The following OPN5 variants were observed in gnomAD, a reference collection of about 807,000 sequenced individuals.
The protein encoded by OPN5 is opsin-5.
In OPN5, 18 loss-of-function variants were observed where a neutral mutation model predicts 41.7. The ratio of observed to expected loss-of-function variants is 0.43; its 90% CI spans 0.30 to 0.64. The LOEUF is 0.64. Among genes scored for constraint, OPN5 ranks in the 30% least tolerant of loss-of-function variants. The pLI is 0.13. For synonymous variants in OPN5, 178 were observed against 164.3 expected, an observed-to-expected ratio of 1.08 and a Z score of -0.64; for missense variants, 318 against 434.5, an observed-to-expected ratio of 0.73 and a Z score of 2.38.
At chr6:47,820,670 G>A (rs1205977024) in intron 6 of OPN5, among the ~76,000 whole-genome samples, 1 of 152,086 alleles carries the variant, frequency 6.6e-6, no homozygotes, top group Non-Finnish European at 1.5e-5. Context: ...TCCAATAGAC[G>A]TTATTTATTG....
chr6:47,783,201 C>T (rs1216978483), intron 1 of OPN5, among the ~76,000 whole-genome samples: 1 of 152,004 alleles, frequency 6.6e-6, no homozygotes, highest in Non-Finnish European at 1.5e-5. Flanking sequence ...ATTTAACCAC[C>T]TATTTAAATT....
chr6:47,793,193 CA>C (rs1773440974), intron 3 of OPN5, among the ~76,000 whole-genome samples: 3 of 151,922 alleles, frequency 2.0e-5, no homozygotes, highest in African/African-American at 7.3e-5. Context: ...GATAAGAAGG[CA>C]AAAAAGTTAA....
chr6:47,805,616 C>A (rs950068115), intron 4 of OPN5, among the ~76,000 whole-genome samples: 1 of 152,052 alleles, frequency 6.6e-6, no homozygotes, highest in African/African-American at 2.4e-5. Flanking sequence ...GTCAAGTAGA[C>A]CGAAGGCTGT....
intron 2 of OPN5, chr6:47,786,961 C>T: frequency 1.8e-6 from 1 of 560,546 alleles, no homozygotes; most frequent in Non-Finnish European, 2.3e-6. Flanking sequence ...GGAGGCAAAT[C>T]CCAGGTCAGT....
intron 4 of OPN5, among the ~76,000 whole-genome samples, chr6:47,799,375 T>C (rs1257785378): frequency 3.9e-5 from 6 of 152,170 alleles, no homozygotes; most frequent in Non-Finnish European, 8.8e-5. Context: ...AAATCAGTAA[T>C]TTCTCTCTTC....
chr6:47,816,185 G>T (rs1762423363), intron 6 of OPN5, among the ~76,000 whole-genome samples: 1 of 152,168 alleles, frequency 6.6e-6, no homozygotes, highest in African/African-American at 2.4e-5. Context: ...TGTCCTCAAT[G>T]TTTGGAAGAT....
chr6:47,822,785 T>A (rs1394821103), intron 6 of OPN5, among the ~76,000 whole-genome samples: 1 of 152,226 alleles, frequency 6.6e-6, no homozygotes, highest in African/African-American at 2.4e-5. Flanking sequence ...CATTACAGGT[T>A]TTTTTATACC....
At chr6:47,812,099 G>T (rs1012971610) in intron 6 of OPN5, among the ~76,000 whole-genome samples, 5 of 152,096 alleles carry the variant, frequency 3.3e-5, no homozygotes, top group Non-Finnish European at 5.9e-5. Context: ...TTAATGTCGG[G>T]TTAGGGAGGC....
chr6:47,814,351 T>G (rs1437583214), intron 6 of OPN5, among the ~76,000 whole-genome samples: 2 of 152,110 alleles, frequency 1.3e-5, no homozygotes, highest in Non-Finnish European at 2.9e-5. Context: ...AAAAATAGAC[T>G]CATTTAACTG....
At chr6:47,808,050 C>A in intron 4 of OPN5, 104 bp from the exon 5 acceptor site, 1 of 1,034,914 alleles carries the variant, frequency 9.7e-7, no homozygotes, top group Non-Finnish European at 1.5e-6. Flanking sequence ...GACAGACTTT[C>A]TTGGCTGTGA....
At chr6:47,816,685 C>T (rs149433100) in intron 6 of OPN5, among the ~76,000 whole-genome samples, 2 of 152,006 alleles carry the variant, frequency 1.3e-5, no homozygotes, top group East Asian at 3.9e-4. Flanking sequence ...AACTCAGGTG[C>T]CGTCATTTAC....
At chr6:47,810,710 C>T (rs947214691) in intron 5 of OPN5, among the ~76,000 whole-genome samples, 4 of 152,006 alleles carry the variant, frequency 2.6e-5, no homozygotes, top group Non-Finnish European at 5.9e-5. Context: ...ATTTTTTCCT[C>T]CTGAATTGAA....
intron 3 of OPN5, among the ~76,000 whole-genome samples, chr6:47,792,697 T>C (rs1282709030): frequency 6.6e-6 from 1 of 152,230 alleles, no homozygotes; most frequent in Non-Finnish European, 1.5e-5. Flanking sequence ...TTAAGTTTAA[T>C]ATTGAGAACC....
chr6:47,785,609 T>G (rs1306085045), intron 1 of OPN5, among the ~76,000 whole-genome samples: 1 of 152,220 alleles, frequency 6.6e-6, no homozygotes, highest in Non-Finnish European at 1.5e-5. Context: ...GAAGCAAGAA[T>G]TCCTGAAGAA....
At chr6:47,782,886 T>C (rs1415707978) in intron 1 of OPN5, among the ~76,000 whole-genome samples, 1 of 152,160 alleles carries the variant, frequency 6.6e-6, no homozygotes, top group Non-Finnish European at 1.5e-5. Context: ...GTTGCTGTAG[T>C]GTAAATACTC....
rs1363402346 is a variant in OPN5 at position 47,819,336 on chromosome 6, AAT to A, written c.1057-4631_1057-4630del. On this transcript the variant is annotated intron_variant, in intron 6 of 6. Coordinates refer to ENST00000371211, the Ensembl canonical transcript of OPN5. ...TCTCTAAGTAATTCTGAAAATTAGG[AAT>A]ATATATATATATATAAAAAATATAT... is the stretch of plus-strand genomic sequence containing the variant. 3.3e-4 allele frequency among the ~76,000 whole-genome samples: 8 copies of A among 24,294 alleles called. 1 individual carries two copies. The highest frequency in any genetic ancestry group is 6.5e-4 in the Non-Finnish European group (8 of 12,332). The allele number at this position is 24,294 out of a possible 152,430, so 15.9% of individuals were successfully genotyped here.
chr6:47,812,836 T>C (rs972774626), intron 6 of OPN5, among the ~76,000 whole-genome samples: 2 of 152,144 alleles, frequency 1.3e-5, no homozygotes, highest in East Asian at 1.9e-4. Context: ...GAACAGCGAA[T>C]AGGGGAAGAG....
At chr6:47,786,487 C>T (rs891190458) in intron 1 of OPN5, 28 bp from the exon 2 acceptor site, 25 of 1,588,730 alleles carry the variant, frequency 1.6e-5, no homozygotes, top group Middle Eastern at 1.7e-4. Context: ...TTAGTTTTAA[C>T]GATTGGAATT....
At chr6:47,808,676 A>G (rs1282836434) in intron 5 of OPN5, among the ~76,000 whole-genome samples, 1 of 152,200 alleles carries the variant, frequency 6.6e-6, no homozygotes, top group Non-Finnish European at 1.5e-5. Context: ...CTATTTATGC[A>G]TGGCTCGTAC....
Sources: gnomAD v4.1 joint callset for allele counts (sites outside exome capture counted in the v4.1 genomes callset) on GRCh38, gnomAD v4.1.1 for gene constraint, MANE v1.5 for transcripts, NCBI Gene and HGNC (gene_info 2026-07-23, HGNC 2026-07-21) for gene names.